The following SYCP2L variants were observed in gnomAD, a reference collection of about 807,000 sequenced individuals.
The protein encoded by SYCP2L is synaptonemal complex protein 2-like.
In SYCP2L, 98 loss-of-function variants were observed where a neutral mutation model predicts 125.8. That is an observed-to-expected ratio of 0.78 (90% confidence interval 0.66 to 0.92). The LOEUF (loss-of-function observed/expected upper bound fraction) is 0.92. SYCP2L is among the 40% of genes least tolerant of loss of function. The pLI is 0.00. For missense variants in SYCP2L, 842 were observed against 936.4 expected (o/e 0.90, Z 1.32); for synonymous variants, 317 against 325.4 (o/e 0.97, Z 0.28).
chr6:10,891,997 T>C (rs1780183316), intron 2 of SYCP2L, among the ~76,000 whole-genome samples: 1 of 152,058 alleles, frequency 6.6e-6, no homozygotes, highest in Non-Finnish European at 1.5e-5. Flanking sequence ...GGTAATGAGA[T>C]GGGGAATAAT....
chr6:10,911,758 C>G (rs551289286), intron 12 of SYCP2L, among the ~76,000 whole-genome samples: 1 of 151,988 alleles, frequency 6.6e-6, no homozygotes, highest in African/African-American at 2.4e-5. Context: ...GGGTGAAAGC[C>G]CTCATTCACC....
At chr6:10,935,331 CA>C in intron 21 of SYCP2L, 144 bp downstream of exon 21, 1 of 868,630 alleles carries the variant, frequency 1.2e-6, no homozygotes, top group Non-Finnish European at 1.7e-6. Flanking sequence ...CTCTTATTAG[CA>C]AATTAACAGA....
intron 29 of SYCP2L, among the ~76,000 whole-genome samples, chr6:10,970,935 A>C (rs78662363): frequency 6.6e-6 from 1 of 151,982 alleles, no homozygotes; most frequent in Non-Finnish European, 1.5e-5. Context: ...GACTAATGAG[A>C]TAATCGGGCC....
rs141944655 is a variant in SYCP2L at position 10,959,436 on chromosome 6, G to A, written c.2255+561G>A. On this transcript the variant is annotated intron_variant, in intron 26 of 29. Coordinates refer to ENST00000283141, the MANE Select transcript of SYCP2L (RefSeq NM_001040274.3). ...GTGGTTTAATGGGTACAGAGTTTCT[G>A]TTTGGGATGATGGAAGAGTTCTGGA... Among the ~76,000 whole-genome samples, 444 of 152,326 alleles carry A rather than the reference G, an allele frequency of 2.9e-3. 4 individuals carry two copies. The highest frequency in any genetic ancestry group is 0.02 in the South Asian group (97 of 4,824).
intron 8 of SYCP2L, among the ~76,000 whole-genome samples, chr6:10,904,250 T>A (rs140012837): frequency 6.6e-6 from 1 of 152,258 alleles, no homozygotes; most frequent in East Asian, 1.9e-4. Context: ...TCTTGGGACA[T>A]GAGATTTGGA....
chr6:10,911,894 C>CTTTTTTTTTTTTTTTTTTTTTTTT (rs58800098), intron 12 of SYCP2L, among the ~76,000 whole-genome samples: 3 of 50,024 alleles, frequency 6.0e-5, no homozygotes, highest in Admixed American at 3.8e-4. Context: ...GGAATAAAAG[C>CTTTTTTTTTTTTTTTTTTTTTTTT]TTTTTTTTTT....
At chr6:10,970,796 G>A (rs2113436061) in intron 29 of SYCP2L, among the ~76,000 whole-genome samples, 1 of 152,280 alleles carries the variant, frequency 6.6e-6, no homozygotes, top group East Asian at 1.9e-4. Context: ...GCTGGGGGCT[G>A]GACATAGACT....
At position 10,954,294 on chromosome 6, in the gene SYCP2L, GAC is replaced by G. The variant is rs1258974978; in HGVS notation, c.1955-818_1955-817del. ...GAAGTAAAGATGTCAAATACTTGGA[GAC>G]ACAAGTTGGCCGCTTGAGAGAGCTC... is the stretch of plus-strand genomic sequence containing the variant. On this transcript the variant is annotated intron_variant, in intron 23 of 29. Transcript: ENST00000283141. This position sits in a 1 kb window ranked among gnomAD's most constrained non-coding sequence, Gnocchi z 4.8. Among the ~76,000 whole-genome samples, 1 of 152,152 alleles carries G rather than the reference GAC, an allele frequency of 6.6e-6. No individual in the cohort carries two copies. The highest frequency in any genetic ancestry group is 1.9e-4 in the East Asian group (1 of 5,182).
intron 12 of SYCP2L, among the ~76,000 whole-genome samples, chr6:10,911,561 C>G (rs1375691604): frequency 6.6e-6 from 1 of 152,192 alleles, no homozygotes; most frequent in Non-Finnish European, 1.5e-5. Context: ...ACTACACATT[C>G]CTTCTCTCTA....
intron 14 of SYCP2L, among the ~76,000 whole-genome samples, chr6:10,917,128 G>A (rs1780707238): frequency 6.6e-6 from 1 of 152,200 alleles, no homozygotes; most frequent in Non-Finnish European, 1.5e-5. Flanking sequence ...GCGGTTGTTG[G>A]ATGGAATGTT....
At chr6:10,956,065 A>G in intron 24 of SYCP2L, 71 bp from the exon 25 acceptor site, 4 of 1,249,226 alleles carry the variant, frequency 3.2e-6, no homozygotes, top group Middle Eastern at 4.4e-4. Flanking sequence ...CCTCTGGGCA[A>G]CTGATGAATT....
At position 10,912,910 on chromosome 6, in the gene SYCP2L, T is replaced by C. The variant is rs1186741616; in HGVS notation, c.1055T>C (p.Met352Thr). The C allele has an allele frequency of 8.1e-6, 13 of 1,613,726 alleles. No homozygotes were observed. The African/African-American group carries it at 1.7e-4, about 22-fold the overall frequency. ...GTGACACTTCCGAAGGAAGCGGTGA[T>C]GAATTTCAGCATAACAGGTAATATG... ...DSVTLPKEAV[M>T]NFSITETEKI... The change falls in exon 14 of 30, where the codon ATG becomes ACG. Residue 352 changes from methionine to threonine, a missense_variant. Met to Thr is a moderately conservative substitution (Grantham distance 81, BLOSUM62 -1). Transcript: ENST00000283141. The surrounding 1 kb of genome is among the most constrained non-coding windows in gnomAD (Gnocchi z 4.1).
At chr6:10,925,920 G>A (rs918517096) in intron 15 of SYCP2L, among the ~76,000 whole-genome samples, 1 of 152,170 alleles carries the variant, frequency 6.6e-6, no homozygotes, top group East Asian at 1.9e-4. Flanking sequence ...ATTTTCCTGT[G>A]ATAAAGCTGT....
At chr6:10,888,310 T>C (rs927622391) in intron 1 of SYCP2L, among the ~76,000 whole-genome samples, 24 of 152,148 alleles carry the variant, frequency 1.6e-4, no homozygotes, top group Non-Finnish European at 2.9e-4. Flanking sequence ...TTGGCCAGGA[T>C]GGTCTCTGTC....
intron 5 of SYCP2L, among the ~76,000 whole-genome samples, chr6:10,898,506 A>G (rs1402499244): frequency 1.1e-4 from 17 of 152,020 alleles, no homozygotes; most frequent in Non-Finnish European, 1.6e-4. Context: ...CAAGAGTGAA[A>G]CTCTGTCTCA....
chr6:10,948,755 T>C (rs1406200902), intron 23 of SYCP2L, among the ~76,000 whole-genome samples: 5 of 152,146 alleles, frequency 3.3e-5, no homozygotes, highest in African/African-American at 1.2e-4. Flanking sequence ...TCTCTCTTGC[T>C]GGAAAAGTTT....
chr6:10,905,477 A>G (rs529385644), intron 8 of SYCP2L, among the ~76,000 whole-genome samples: 1 of 152,138 alleles, frequency 6.6e-6, no homozygotes, highest in Non-Finnish European at 1.5e-5. Flanking sequence ...TTTTTAGTAG[A>G]GATGGGGTTT....
At chr6:10,891,439 G>A in intron 1 of SYCP2L, 74 bp from the exon 2 acceptor site, 3 of 376,098 alleles carry the variant, frequency 8.0e-6, no homozygotes, top group South Asian at 7.1e-5. Flanking sequence ...TTTTTTTTTT[G>A]CTTTGTGTTT....
chr6:10,905,631 A>G (rs1780476438), intron 8 of SYCP2L, among the ~76,000 whole-genome samples: 1 of 152,218 alleles, frequency 6.6e-6, no homozygotes, highest in African/African-American at 2.4e-5. Flanking sequence ...GCTCATAGGA[A>G]AGAATCACTG....
Sources: allele counts gnomAD v4.1 joint callset (sites outside exome capture counted in the v4.1 genomes callset), GRCh38; gene constraint gnomAD v4.1.1; non-coding constraint Gnocchi (gnomAD v3.1); transcripts MANE v1.5; gene names NCBI Gene and HGNC (gene_info 2026-07-23, HGNC 2026-07-21).